FBXO34: variants seen among roughly 807,000 people sequenced by gnomAD.
The protein encoded by FBXO34 is F-box protein 34, also known as F-box only protein 34.
A neutral mutation model predicts 24.5 loss-of-function variants in FBXO34; 12 were observed. The ratio of observed to expected loss-of-function variants is 0.49; its 90% CI spans 0.31 to 0.79. FBXO34 has a LOEUF of 0.79. Among genes scored for constraint, FBXO34 ranks in the 30% least tolerant of loss-of-function variants. FBXO34 has a pLI of 0.04. For synonymous variants in FBXO34, 320 were observed against 311.9 expected, an observed-to-expected ratio of 1.03 and a Z score of -0.27; for missense variants, 823 against 857.7, an observed-to-expected ratio of 0.96 and a Z score of 0.51.
the FBXO34 span, among the ~76,000 whole-genome samples, chr14:55,419,706 A>G: frequency 6.6e-6 from 1 of 152,178 alleles, no homozygotes; most frequent in East Asian, 1.9e-4. Context: ...ACCATTTTAT[A>G]TGGATAAATT....
the FBXO34 span, among the ~76,000 whole-genome samples, chr14:55,407,421 C>T: frequency 6.6e-6 from 1 of 151,804 alleles, no homozygotes; most frequent in Non-Finnish European, 1.5e-5. Flanking sequence ...GAGCCACTGC[C>T]CCCGGCCTCA....
At chr14:55,433,702 A>T in the FBXO34 span, 2 of 1,614,068 alleles carry the variant, frequency 1.2e-6, no homozygotes, top group East Asian at 2.2e-5. Flanking sequence ...TCGGATCCTC[A>T]TTATGACAGC....
At chr14:55,422,286 A>T in the FBXO34 span, among the ~76,000 whole-genome samples, 1 of 152,154 alleles carries the variant, frequency 6.6e-6, no homozygotes, top group African/African-American at 2.4e-5. Flanking sequence ...TGAAATGTAT[A>T]AAAAGACAAA....
At chr14:55,313,536 T>C (rs939644192) in intron 1 of FBXO34, among the ~76,000 whole-genome samples, 4 of 152,340 alleles carry the variant, frequency 2.6e-5, no homozygotes, top group Non-Finnish European at 5.9e-5. Context: ...TGTTCTCACA[T>C]TGCTGTAAAA....
At chr14:55,278,037 C>G (rs982957387) in intron 1 of FBXO34, among the ~76,000 whole-genome samples, 1 of 152,130 alleles carries the variant, frequency 6.6e-6, no homozygotes, top group Admixed American at 6.6e-5. Flanking sequence ...GCCACCGCAG[C>G]ACCGAGAACC....
At chr14:55,338,175 G>C (rs920138421) in intron 1 of FBXO34, among the ~76,000 whole-genome samples, 3 of 150,046 alleles carry the variant, frequency 2.0e-5, no homozygotes, top group Non-Finnish European at 4.4e-5. Context: ...TCAGTCTCCT[G>C]GGTAGCTGGG....
At position 55,294,468 on chromosome 14, in the gene FBXO34, G is replaced by A. The variant is rs112061399; in HGVS notation, c.-11+22931G>A. On this transcript the variant is annotated intron_variant, in intron 1 of 1. Transcript: ENST00000313833. ...GGGTTTTGCCACATTGCCCAGGCCG[G>A]TCTTGAACTCCTGGGCTCAAGTGAT... is the stretch of plus-strand genomic sequence containing the variant. 8.5e-3 allele frequency among the ~76,000 whole-genome samples: 1,296 copies of A among 152,166 alleles called. 23 individuals carry two copies. Among genetic ancestry groups the A allele is most frequent in the African/African-American group, 0.03 (1,243 of 41,494 alleles).
Position 55,350,811 on chromosome 14 carries a change from T to C in FBXO34, c.421T>C (p.Trp141Arg). The C allele has an allele frequency of 1.2e-6, 2 of 1,609,178 alleles. No individual in the cohort carries two copies. Among genetic ancestry groups the C allele is most frequent in the Admixed American group, 1.7e-5 (1 of 58,726 alleles). ...RIGSMKIKSSWDIDGRATKRR... is the reference protein window; with the variant it reads ...RIGSMKIKSSRDIDGRATKRR... ...AGGATCTATGAAAATAAAAAGTTCC[T>C]GGGATATTGATGGGAGAGCTACTAA... Residue 141 changes from tryptophan (W) to arginine (R), a missense_variant, in exon 2 of 2, where the codon TGG becomes CGG. By Grantham distance (101) the Trp-to-Arg change is moderately radical (BLOSUM62 -3). This residue lies in a region of FBXO34 where 693 missense variants were observed against 659.1 expected (regional missense o/e 1.05). Coordinates refer to ENST00000313833, the MANE Select transcript of FBXO34 (RefSeq NM_017943.4).
the FBXO34 span, among the ~76,000 whole-genome samples, chr14:55,379,901 G>T: frequency 6.6e-6 from 1 of 152,092 alleles, no homozygotes; most frequent in African/African-American, 2.4e-5. Context: ...TTGTATAAAT[G>T]TTTTGAATTT....
downstream of FBXO34, among the ~76,000 whole-genome samples, chr14:55,371,191 G>A (rs1381831605): frequency 2.6e-5 from 4 of 152,292 alleles, no homozygotes; most frequent in South Asian, 4.1e-4. Context: ...AGGAGAGGTC[G>A]AAATAAATAG....
At position 55,298,650 on chromosome 14, in the gene FBXO34, G is replaced by A. The variant is rs2139700138; in HGVS notation, c.-11+27113G>A. The A allele has an allele frequency of 4.7e-6, 7 of 1,504,784 alleles. No homozygotes were observed. The South Asian group carries it at 7.2e-5, about 15-fold the overall frequency. The allele number at this position is 1,504,784 out of a possible 1,614,324, so 93.2% of individuals were successfully genotyped here. A position where few individuals can be genotyped will look rare whatever the true frequency, so the allele number is the denominator to read the frequency against. ...AAGGCTGGCGCGGCGAGCGCTGTTCGGGGCTGGAGGGGGTAAGGCCGGCAA... is the reference window on the plus strand; with the variant it reads ...AAGGCTGGCGCGGCGAGCGCTGTTCAGGGCTGGAGGGGGTAAGGCCGGCAA... On this transcript the variant is annotated intron_variant, in intron 1 of 1. Coordinates refer to ENST00000313833, the MANE Select transcript of FBXO34 (RefSeq NM_017943.4).
At chr14:55,435,761 GAGGAATTAGTCA>G in the FBXO34 span, 1 of 984,852 alleles carries the variant, frequency 1.0e-6, no homozygotes, top group Non-Finnish European at 1.5e-6. Context: ...AGAAAAAACA[GAGGAATTAGTCA>G]ATATCATGAT....
At chr14:55,306,080 C>T (rs75065839) in intron 1 of FBXO34, among the ~76,000 whole-genome samples, 2,999 of 152,332 alleles carry the variant, frequency 0.02, 74 homozygotes, top group African/African-American at 0.068. Context: ...ACATAGTCCT[C>T]CTCTTTTCCC....
intron 1 of FBXO34, among the ~76,000 whole-genome samples, chr14:55,323,020 A>C (rs1883194123): frequency 8.6e-6 from 1 of 116,648 alleles, no homozygotes; most frequent in African/African-American, 3.3e-5. Flanking sequence ...AAAAATACAA[A>C]AAAAAAAAAA....
chr14:55,432,497 A>C, the FBXO34 span, among the ~76,000 whole-genome samples: 2 of 150,168 alleles, frequency 1.3e-5, no homozygotes, highest in East Asian at 3.9e-4. Context: ...AAATATTTAC[A>C]GTATAAAATG....
At chr14:55,279,868 C>G (rs1254197832) in intron 1 of FBXO34, among the ~76,000 whole-genome samples, 1 of 152,138 alleles carries the variant, frequency 6.6e-6, no homozygotes, top group Non-Finnish European at 1.5e-5. Context: ...GCTAAGTGCC[C>G]CTAAATAAAG....
At chr14:55,343,180 C>T (rs1594762567) in intron 1 of FBXO34, among the ~76,000 whole-genome samples, 1 of 151,278 alleles carries the variant, frequency 6.6e-6, no homozygotes, top group East Asian at 1.9e-4. Flanking sequence ...CTTTTTTCCT[C>T]TCTAAAGGTA....
intron 1 of FBXO34, among the ~76,000 whole-genome samples, chr14:55,346,110 T>C (rs1469029540): frequency 3.3e-5 from 5 of 152,228 alleles, no homozygotes. Flanking sequence ...ATGGTCTTGG[T>C]CTTGGCTGCC....
intron 1 of FBXO34, among the ~76,000 whole-genome samples, chr14:55,313,814 C>G (rs894994838): frequency 5.9e-5 from 9 of 152,296 alleles, no homozygotes; most frequent in African/African-American, 2.2e-4. Flanking sequence ...CCTCCATCTG[C>G]TCCCTCCCTT....
Sources: allele counts gnomAD v4.1 joint callset (sites outside exome capture counted in the v4.1 genomes callset), GRCh38; gene constraint gnomAD v4.1.1; regional missense constraint gnomAD v4.1.1; transcripts MANE v1.5; gene names NCBI Gene and HGNC (gene_info 2026-07-23, HGNC 2026-07-21).